Variants in NR3C2 observed in about 807,000 individuals in gnomAD.
NR3C2 encodes the protein mineralocorticoid receptor.
In NR3C2, 15 loss-of-function variants were observed where a neutral mutation model predicts 86.4. That is an observed-to-expected ratio of 0.17 (90% CI 0.12 to 0.27). The LOEUF (loss-of-function observed/expected upper bound fraction) is 0.27, where lower values mean the gene tolerates loss of function less well. Among genes scored for constraint, NR3C2 ranks in the 10% least tolerant of loss-of-function variants. NR3C2 has a pLI of 1.00. For synonymous variants in NR3C2, 458 were observed against 450.5 expected, an observed-to-expected ratio of 1.02 and a Z score of -0.21; for missense variants, 960 against 1,195.6, an observed-to-expected ratio of 0.80 and a Z score of 2.91.
intron 3 of NR3C2, among the ~76,000 whole-genome samples, chr4:148,229,436 T>C (rs1395166026): frequency 6.6e-6 from 1 of 152,196 alleles, no homozygotes; most frequent in African/African-American, 2.4e-5. Flanking sequence ...AACCTGGATT[T>C]TAGCTGAACT....
At chr4:148,324,458 T>C (rs1561043338) in intron 2 of NR3C2, among the ~76,000 whole-genome samples, 2 of 152,002 alleles carry the variant, frequency 1.3e-5, no homozygotes, top group Admixed American at 6.6e-5. Flanking sequence ...TTCCATATCT[T>C]GGCTACTGTG....
chr4:148,342,725 A>T (rs1287145411), intron 2 of NR3C2, among the ~76,000 whole-genome samples: 2 of 152,172 alleles, frequency 1.3e-5, no homozygotes, highest in Non-Finnish European at 2.9e-5. Flanking sequence ...ATTGTGCAGT[A>T]GCATTAAAGA....
At position 148,080,588 on chromosome 4, in the gene NR3C2, A is replaced by T. The variant is rs1218130958; in HGVS notation, c.*756T>A. 1 of 155,816 alleles carries T rather than the reference A, an allele frequency of 6.4e-6. No individual in the cohort carries two copies. The highest frequency in any genetic ancestry group is 1.4e-5 in the Non-Finnish European group (1 of 69,162). The allele number at this position is 155,816 out of a possible 1,614,324, so 9.7% of individuals were successfully genotyped here. A position where few individuals can be genotyped will look rare whatever the true frequency, so the allele number is the denominator to read the frequency against. ...TTTGTATGTGTCTCATTTACAAAAG[A>T]TCCTTATACCTTATTTCAGGTCCTT... On this transcript the variant is annotated 3_prime_UTR_variant, in exon 9 of 9. Transcript: ENST00000358102.
intron 4 of NR3C2, among the ~76,000 whole-genome samples, chr4:148,191,927 G>A (rs917457279): frequency 6.6e-6 from 1 of 151,996 alleles, no homozygotes; most frequent in Non-Finnish European, 1.5e-5. Context: ...ATTGGGCTTT[G>A]CCTTTCTCTG....
chr4:148,174,840 T>C (rs1735297099), intron 4 of NR3C2, among the ~76,000 whole-genome samples: 3 of 152,216 alleles, frequency 2.0e-5, no homozygotes, highest in Admixed American at 1.3e-4. Flanking sequence ...GGTCACTGTT[T>C]CAGTGCTTGT....
chr4:148,195,715 C>T (rs72653859), intron 3 of NR3C2, among the ~76,000 whole-genome samples: 141 of 152,262 alleles, frequency 9.3e-4, no homozygotes, highest in African/African-American at 3.2e-3. Context: ...TGGGGAAGAA[C>T]ATACACCAGA....
intron 4 of NR3C2, among the ~76,000 whole-genome samples, chr4:148,193,698 A>G (rs1388814636): frequency 2.0e-5 from 3 of 152,216 alleles, no homozygotes; most frequent in African/African-American, 7.2e-5. Context: ...TGAATCTGCA[A>G]TATGAAACCC....
At chr4:148,410,087 T>C (rs1235903830) in intron 2 of NR3C2, among the ~76,000 whole-genome samples, 1 of 152,164 alleles carries the variant, frequency 6.6e-6, no homozygotes, top group African/African-American at 2.4e-5. Flanking sequence ...TAGGTACCTT[T>C]AAAAAACAAT....
chr4:148,326,972 ATAATACT>A (rs1305973731), intron 2 of NR3C2, among the ~76,000 whole-genome samples: 1 of 152,234 alleles, frequency 6.6e-6, no homozygotes, highest in Admixed American at 6.5e-5. Context: ...AAGATCTAAA[ATAATACT>A]TAAAATTCTT....
chr4:148,143,335 C>T (rs1733700287), intron 6 of NR3C2, among the ~76,000 whole-genome samples: 1 of 152,216 alleles, frequency 6.6e-6, no homozygotes, highest in Non-Finnish European at 1.5e-5. Flanking sequence ...ACCACTTTTG[C>T]TGTTGTCATA....
At position 148,420,760 on chromosome 4, in the gene NR3C2, C is replaced by A. The variant is rs577756983; in HGVS notation, c.1757+14344G>T. On this transcript the variant is annotated intron_variant, in intron 2 of 8. Transcript: ENST00000358102. ...TTCATGAATGGTTTAGCACCATTCC[C>A]TTGCTGCTGTCTTGTGATAGGGTTC... Among the ~76,000 whole-genome samples, 25 of 152,268 alleles carry A rather than the reference C, an allele frequency of 1.6e-4. No homozygotes were observed. In the South Asian group the frequency reaches 4.4e-3, roughly 27 times the overall value.
intron 6 of NR3C2, among the ~76,000 whole-genome samples, chr4:148,127,201 A>G (rs369696975): frequency 6.6e-6 from 1 of 152,354 alleles, no homozygotes; most frequent in African/African-American, 2.4e-5. Flanking sequence ...TGCATTTTAT[A>G]TCACATCATT....
chr4:148,204,962 T>G (rs1378017109), intron 3 of NR3C2, among the ~76,000 whole-genome samples: 1 of 152,176 alleles, frequency 6.6e-6, no homozygotes, highest in African/African-American at 2.4e-5. Flanking sequence ...AGTGATCAGA[T>G]TTTTGCCCAA....
intron 4 of NR3C2, among the ~76,000 whole-genome samples, chr4:148,182,264 C>T (rs560008719): frequency 2.1e-4 from 32 of 152,284 alleles, no homozygotes; most frequent in Non-Finnish European, 4.3e-4. Flanking sequence ...TTAAACTTCA[C>T]ATTCTCTTTT....
At chr4:148,259,832 A>T in intron 3 of NR3C2, 146 bp downstream of exon 3, 1 of 1,016,646 alleles carries the variant, frequency 9.8e-7, no homozygotes, top group Non-Finnish European at 1.5e-6. Flanking sequence ...GGTGGTTTTT[A>T]TACAAGGCAC....
At chr4:148,375,173 C>T (rs750695160) in intron 2 of NR3C2, among the ~76,000 whole-genome samples, 3 of 151,998 alleles carry the variant, frequency 2.0e-5, no homozygotes, top group Non-Finnish European at 4.4e-5. Flanking sequence ...ACTGCAAAAT[C>T]GGCTGGATGC....
intron 3 of NR3C2, among the ~76,000 whole-genome samples, chr4:148,259,481 G>T (rs1194764593): frequency 2.6e-5 from 4 of 152,150 alleles, no homozygotes; most frequent in South Asian, 4.1e-4. Context: ...GAGGAATAAA[G>T]GTGAGACTCA....
At position 148,149,861 on chromosome 4, in the gene NR3C2, C is replaced by A. The variant is rs182903848; in HGVS notation, c.2510+2608G>T. 3.9e-5 allele frequency among the ~76,000 whole-genome samples: 6 copies of A among 152,274 alleles called. No individual in the cohort carries two copies. In the East Asian group the frequency reaches 1.2e-3, roughly 29 times the overall value. On this transcript the variant is annotated intron_variant, in intron 6 of 8. Transcript: ENST00000358102. ...AAATGAAAACCATAGTGAGATACCA[C>A]GTCATGCCTACTGGGATGGCTAGTT...
At chr4:148,272,459 G>C (rs1008989045) in intron 2 of NR3C2, among the ~76,000 whole-genome samples, 3 of 152,104 alleles carry the variant, frequency 2.0e-5, no homozygotes, top group African/African-American at 7.2e-5. Flanking sequence ...ATTTAAGCCT[G>C]TGGTGTGTGT....
Sources: allele counts gnomAD v4.1 joint callset (sites outside exome capture counted in the v4.1 genomes callset), GRCh38; gene constraint gnomAD v4.1.1; transcripts MANE v1.5; gene names NCBI Gene and HGNC (gene_info 2026-07-23, HGNC 2026-07-21).